TMEM185A: variants seen among roughly 807,000 people sequenced by gnomAD.
The protein encoded by TMEM185A is family with sequence similarity 11, member A.
TMEM185A carries 9 observed loss-of-function variants against 25.0 expected under a neutral mutation model. The observed-to-expected ratio is 0.36, with a 90% CI of 0.22 to 0.63. The LOEUF is 0.63. Ranked by LOEUF, TMEM185A falls within the 20% of genes least tolerant of loss-of-function variation. The probability of loss-of-function intolerance (pLI) is 0.68; values close to 1 mark genes in which losing one functional copy is unlikely to be tolerated. For missense variants in TMEM185A, 103 were observed against 237.4 expected (o/e 0.43, Z 3.72); for synonymous variants, 45 against 93.5 (o/e 0.48, Z 2.99).
intron 6 of TMEM185A, among the ~76,000 whole-genome samples, chrX:149,598,688 A>G (rs1231531115): frequency 3.0e-5 from 2 of 66,382 alleles, no homozygotes; most frequent in Non-Finnish European, 4.9e-5. Context: ...TTCTCCAGCC[A>G]GGATAAACTC....
intron 3 of TMEM185A, among the ~76,000 whole-genome samples, chrX:149,605,001 G>A (rs1001093119): frequency 1.8e-5 from 2 of 111,696 alleles, no homozygotes; most frequent in Non-Finnish European, 3.8e-5. Flanking sequence ...CTTCTCTCCC[G>A]ACTAGGAAGA....
At chrX:149,603,814 G>T in intron 4 of TMEM185A, 173 bp downstream of exon 4, 1 of 389,050 alleles carries the variant, frequency 2.6e-6, no homozygotes, top group Non-Finnish European at 4.5e-6. Flanking sequence ...CAAACTGTTT[G>T]TATAAAACAC....
intron 1 of TMEM185A, among the ~76,000 whole-genome samples, chrX:149,612,950 G>T (rs1391365231): frequency 8.9e-6 from 1 of 111,993 alleles, no homozygotes; most frequent in Admixed American, 9.4e-5. Flanking sequence ...TGCTTGGGAT[G>T]TTTTCTCACT....
chrX:149,605,423 G>A (rs78283095), intron 3 of TMEM185A, among the ~76,000 whole-genome samples: 62 of 70,856 alleles, frequency 8.8e-4, no homozygotes, highest in South Asian at 7.6e-3. Flanking sequence ...CACTTTCTAT[G>A]GCCTCCCATG....
intron 1 of TMEM185A, among the ~76,000 whole-genome samples, chrX:149,626,147 T>C (rs2090161920): frequency 1.8e-5 from 2 of 112,200 alleles, no homozygotes; most frequent in African/African-American, 3.2e-5. Context: ...TCATGGATAA[T>C]GGATGCAAAG....
chrX:149,631,312 C>T (rs965130649), intron 1 of TMEM185A, among the ~76,000 whole-genome samples: 1 of 110,795 alleles, frequency 9.0e-6, no homozygotes, highest in Non-Finnish European at 1.9e-5. Context: ...CGGGCCCTTC[C>T]GGCCGTGGCC....
chrX:149,616,664 T>G lies in TMEM185A; in HGVS notation c.39-5201A>C, dbSNP rs782243312. On this transcript the variant is annotated intron_variant, in intron 1 of 6. Transcript: ENST00000600449. ...TTAACAGGTTCCATGGAAGTGGGTA[T>G]CTTTGTGGGTCATGATTTAGCCTAC... 2.7e-5 allele frequency among the ~76,000 whole-genome samples: 3 copies of G among 112,087 alleles called. No individual in the cohort carries two copies. In the East Asian group the frequency reaches 8.4e-4, roughly 31 times the overall value.
chrX:149,612,536 T>C (rs782416382), intron 1 of TMEM185A, among the ~76,000 whole-genome samples: 90 of 112,586 alleles, frequency 8.0e-4, no homozygotes, highest in Non-Finnish European at 1.6e-3. Flanking sequence ...AAAAGAAAGC[T>C]GGAATGACTA....
chrX:149,613,441 C>T (rs2090094831), intron 1 of TMEM185A, among the ~76,000 whole-genome samples: 1 of 112,076 alleles, frequency 8.9e-6, no homozygotes, highest in Non-Finnish European at 1.9e-5. Flanking sequence ...CTGAGAATAA[C>T]TCGCAGCTGA....
chrX:149,598,474 A>ACCGG (rs2090003608), intron 6 of TMEM185A, among the ~76,000 whole-genome samples: 1 of 31,138 alleles, frequency 3.2e-5, no homozygotes, highest in Non-Finnish European at 5.0e-5. Flanking sequence ...ACCGGCAGGG[A>ACCGG]CAGCGTCCAC....
In TMEM185A at chrX:149,630,608, G is replaced by A. The variant is rs181448959; in HGVS notation, c.38+935C>T. On this transcript the variant is annotated intron_variant, in intron 1 of 6. Coordinates refer to ENST00000600449, the MANE Select transcript of TMEM185A (RefSeq NM_032508.4). ...CTCATTTTACAGAAGGGCCAAAGAAGGGCAGAGAATCACCCAGTTACATAT... is the reference window on the plus strand; with the variant it reads ...CTCATTTTACAGAAGGGCCAAAGAAAGGCAGAGAATCACCCAGTTACATAT... 1.5e-4 allele frequency among the ~76,000 whole-genome samples: 17 copies of A among 112,104 alleles called. No individual in the cohort carries two copies. In the East Asian group the frequency reaches 4.5e-3, roughly 30 times the overall value.
intron 1 of TMEM185A, among the ~76,000 whole-genome samples, chrX:149,631,247 G>C (rs1275749377): frequency 4.6e-5 from 5 of 109,648 alleles, no homozygotes; most frequent in Admixed American, 1.9e-4. Context: ...ACACCAATGA[G>C]GGACAGCAAG....
At position 149,611,449 on chromosome X, in the gene TMEM185A, T is replaced by C. The variant is rs2090082983; in HGVS notation, c.53A>G (p.Tyr18Cys). ...QDFNPSKFLIYACLLLFSVLL... is the reference protein window; with the variant it reads ...QDFNPSKFLICACLLLFSVLL... ...CACAGAGAACAGCAGCAGACAGGCATAGATGAGGAATTTACTAGGAGAAAA... is the reference window on the plus strand; with the variant it reads ...CACAGAGAACAGCAGCAGACAGGCACAGATGAGGAATTTACTAGGAGAAAA... The change falls in exon 2 of 7, where the codon TAT (tyrosine) becomes TGT (cysteine). Residue 18 changes from tyrosine to cysteine, a missense_variant. This residue lies in a region of TMEM185A where 102 missense variants were observed against 125.7 expected (regional missense o/e 0.81). Coordinates refer to ENST00000600449, the MANE Select transcript of TMEM185A (RefSeq NM_032508.4). 2 of 1,190,616 alleles carry C rather than the reference T, an allele frequency of 1.7e-6. No homozygotes were observed. Among genetic ancestry groups the C allele is most frequent in the Non-Finnish European group, 2.3e-6 (2 of 888,245 alleles).
At chrX:149,620,515 G>A (rs1185694606) in intron 1 of TMEM185A, among the ~76,000 whole-genome samples, 2 of 111,649 alleles carry the variant, frequency 1.8e-5, no homozygotes, top group African/African-American at 6.5e-5. Flanking sequence ...TTAACTGCAA[G>A]TCCAGCACGT....
chrX:149,602,444 G>A (rs2090022835), intron 4 of TMEM185A, among the ~76,000 whole-genome samples: 1 of 112,279 alleles, frequency 8.9e-6, no homozygotes, highest in African/African-American at 3.2e-5. Context: ...CTTGATTGTA[G>A]GTTTCTCTGC....
chrX:149,623,541 A>C (rs1192665642), intron 1 of TMEM185A, among the ~76,000 whole-genome samples: 1 of 111,261 alleles, frequency 9.0e-6, no homozygotes. Context: ...TGAAACATAA[A>C]AATACCTGGG....
chrX:149,608,655 C>CA lies in TMEM185A; in HGVS notation c.394dup (p.Trp132LeufsTer6). On this transcript the variant is annotated frameshift_variant, in exon 3 of 7. Coordinates refer to ENST00000600449, the MANE Select transcript of TMEM185A (RefSeq NM_032508.4). LOFTEE classifies it high-confidence loss of function. Reference sequence around the variant, plus strand: ...TAGTGACCTGTCATGTCGAAAGCCCCAAACGCAAGCTGCAACAGACACCGG... The same window carrying CA: ...TAGTGACCTGTCATGTCGAAAGCCCCAAAACGCAAGCTGCAACAGACACCGG... The CA allele has an allele frequency of 8.3e-7, 1 of 1,211,527 alleles. No homozygotes were observed. Among genetic ancestry groups the CA allele is most frequent in the Non-Finnish European group, 1.1e-6 (1 of 895,463 alleles).
At chrX:149,612,970 A>G (rs182920353) in intron 1 of TMEM185A, among the ~76,000 whole-genome samples, 1 of 112,100 alleles carries the variant, frequency 8.9e-6, no homozygotes. Context: ...TACTTCTGCC[A>G]TATCGCTTCT....
chrX:149,627,257 G>A (rs1051348732), intron 1 of TMEM185A, among the ~76,000 whole-genome samples: 2 of 112,413 alleles, frequency 1.8e-5, no homozygotes, highest in East Asian at 2.8e-4. Context: ...GGAGAATGGC[G>A]ATGACTTTTA....
Sources: gnomAD v4.1 joint callset for allele counts (sites outside exome capture counted in the v4.1 genomes callset) on GRCh38, gnomAD v4.1.1 for gene constraint, gnomAD v4.1.1 regional missense constraint, MANE v1.5 for transcripts, NCBI Gene and HGNC (gene_info 2026-07-23, HGNC 2026-07-21) for gene names.